Variants in KLF12 observed in about 807,000 individuals in gnomAD.
KLF12 encodes the protein KLF transcription factor 12.
A neutral mutation model predicts 37.8 loss-of-function variants in KLF12; 9 were observed. The observed-to-expected ratio is 0.24, with a 90% CI of 0.14 to 0.42. The LOEUF is 0.42. Ranked by LOEUF, KLF12 falls within the 10% of genes least tolerant of loss-of-function variation. The pLI is 1.00. For synonymous variants in KLF12, 208 were observed against 202.1 expected, an observed-to-expected ratio of 1.03 and a Z score of -0.25; for missense variants, 411 against 516.0, an observed-to-expected ratio of 0.80 and a Z score of 1.97.
intron 3 of KLF12, among the ~76,000 whole-genome samples, chr13:73,846,782 A>G (rs902574967): frequency 2.6e-5 from 4 of 152,164 alleles, no homozygotes; most frequent in African/African-American, 9.7e-5. Flanking sequence ...ACTTGTTGCA[A>G]GAGTTACCAT....
intron 1 of KLF12, among the ~76,000 whole-genome samples, chr13:74,052,273 G>A (rs569272174): frequency 6.6e-6 from 1 of 152,180 alleles, no homozygotes; most frequent in South Asian, 2.1e-4. Context: ...GAAACATTGT[G>A]CACATTGTGT....
chr13:73,760,059 G>A (rs9600162), intron 6 of KLF12, among the ~76,000 whole-genome samples: 47,545 of 151,812 alleles, frequency 0.31, 7,904 homozygotes, highest in African/African-American at 0.4. Flanking sequence ...CTAAAACATT[G>A]AAGTGTGAAA....
At chr13:74,235,941 TA>T in the KLF12 span, among the ~76,000 whole-genome samples, 38 of 148,594 alleles carry the variant, frequency 2.6e-4, no homozygotes, top group African/African-American at 9.2e-4. Flanking sequence ...TTATTTTTTT[TA>T]TTTTTATTTT....
chr13:74,299,324 G>T, the KLF12 span, among the ~76,000 whole-genome samples: 1 of 152,164 alleles, frequency 6.6e-6, no homozygotes, highest in African/African-American at 2.4e-5. Flanking sequence ...ATTCTGAGTG[G>T]AAGAGCAATG....
chr13:73,993,889 T>TACTAA (rs1892035445), intron 2 of KLF12, among the ~76,000 whole-genome samples: 1 of 151,024 alleles, frequency 6.6e-6, no homozygotes, highest in African/African-American at 2.4e-5. Context: ...AGAACCACTT[T>TACTAA]ACTAACACAC....
chr13:74,035,364 C>A (rs1893220795), intron 1 of KLF12, among the ~76,000 whole-genome samples: 1 of 152,090 alleles, frequency 6.6e-6, no homozygotes, highest in Non-Finnish European at 1.5e-5. Context: ...ATGAGAAACC[C>A]TTGGAAACAG....
chr13:73,956,580 A>G (rs1890839485), intron 2 of KLF12, among the ~76,000 whole-genome samples: 1 of 152,206 alleles, frequency 6.6e-6, no homozygotes, highest in African/African-American at 2.4e-5. Flanking sequence ...AGCCCATTTC[A>G]GAACCACTGT....
At chr13:73,860,410 C>T (rs1885858377) in intron 3 of KLF12, among the ~76,000 whole-genome samples, 1 of 152,124 alleles carries the variant, frequency 6.6e-6, no homozygotes, top group South Asian at 2.1e-4. Context: ...GCTCCAGTTG[C>T]TCCCCAAAGG....
At chr13:74,165,211 A>C in the KLF12 span, among the ~76,000 whole-genome samples, 1 of 152,140 alleles carries the variant, frequency 6.6e-6, no homozygotes, top group Non-Finnish European at 1.5e-5. Context: ...AAAAATTAAA[A>C]AGTTTTAAAA....
At position 73,687,123 on chromosome 13, in the gene KLF12, C is replaced by A. The variant is rs1225125909; in HGVS notation, c.*8367G>T. On this transcript the variant is annotated 3_prime_UTR_variant, in exon 8 of 8. Transcript: ENST00000377669. ...CACAACACAAAGTTCTGAGTACATT[C>A]TTCTATGGACAAACATGAATTTGCT... The A allele has an allele frequency of 1.3e-5, 2 of 152,578 alleles. No individual in the cohort carries two copies. The highest frequency in any genetic ancestry group is 4.8e-5 in the African/African-American group (2 of 41,430). 9.5% of individuals were successfully genotyped at this position (152,578 alleles called of 1,614,324 possible).
intron 3 of KLF12, among the ~76,000 whole-genome samples, chr13:73,895,823 T>TC (rs1491205402): frequency 3.7e-5 from 1 of 26,946 alleles, no homozygotes; most frequent in East Asian, 4.5e-4. Context: ...CATGGAATTC[T>TC]TTTTTTTTTT....
the KLF12 span, among the ~76,000 whole-genome samples, chr13:74,260,608 TAAAATAAAATAAA>T: frequency 8.7e-6 from 1 of 114,374 alleles, no homozygotes; most frequent in African/African-American, 5.6e-5. Context: ...TAAAATAAAA[TAAAATAAAATAAA>T]ATAAAATAGT....
At chr13:73,745,339 T>C (rs1021329653) in intron 6 of KLF12, among the ~76,000 whole-genome samples, 2 of 152,206 alleles carry the variant, frequency 1.3e-5, no homozygotes, top group African/African-American at 4.8e-5. Flanking sequence ...TCACTATGAA[T>C]GGAGTTGTGT....
chr13:73,885,310 C>G (rs1217229240), intron 3 of KLF12, among the ~76,000 whole-genome samples: 1 of 152,150 alleles, frequency 6.6e-6, no homozygotes, highest in African/African-American at 2.4e-5. Context: ...AGGGGCTAAT[C>G]TTTGATTCAT....
chr13:73,755,964 C>G (rs1009723569), intron 6 of KLF12, among the ~76,000 whole-genome samples: 15 of 152,228 alleles, frequency 9.9e-5, no homozygotes, highest in Admixed American at 2.6e-4. Flanking sequence ...GCCTTCCATA[C>G]TGTATATATA....
the KLF12 span, among the ~76,000 whole-genome samples, chr13:74,148,193 G>A: frequency 6.6e-6 from 1 of 152,018 alleles, no homozygotes; most frequent in Non-Finnish European, 1.5e-5. Context: ...GAGATTACAG[G>A]TGTGAGCCAC....
At chr13:73,895,971 C>A (rs1359495527) in intron 3 of KLF12, among the ~76,000 whole-genome samples, 2 of 152,042 alleles carry the variant, frequency 1.3e-5, no homozygotes, top group Non-Finnish European at 2.9e-5. Context: ...CAGCCGCGTG[C>A]CACCACGCCT....
chr13:73,905,046 T>C (rs1888211446), intron 3 of KLF12, among the ~76,000 whole-genome samples: 2 of 152,306 alleles, frequency 1.3e-5, no homozygotes, highest in South Asian at 2.1e-4. Context: ...ATTTGCATGT[T>C]TGTTTTGTTT....
chr13:73,916,201 TAATA>T (rs1180264940), intron 3 of KLF12, among the ~76,000 whole-genome samples: 10 of 140,366 alleles, frequency 7.1e-5, no homozygotes, highest in Non-Finnish European at 1.1e-4. Context: ...GGGGAAGAGC[TAATA>T]CTTACACACA....
Sources: allele counts gnomAD v4.1 joint callset (sites outside exome capture counted in the v4.1 genomes callset), GRCh38; gene constraint gnomAD v4.1.1; transcripts MANE v1.5; gene names NCBI Gene and HGNC (gene_info 2026-07-23, HGNC 2026-07-21).